Variants in TRMT11 observed in about 807,000 individuals in gnomAD.
TRMT11 encodes the protein tRNA (guanine(10)-N(2))-methyltransferase TRMT11.
Under a neutral mutation model 62.8 loss-of-function variants are expected in TRMT11, and 53 were observed. That is an observed-to-expected ratio of 0.84 (90% CI 0.68 to 1.06). The LOEUF is 1.06. TRMT11 is among the 50% of genes least tolerant of loss of function. TRMT11 has a pLI of 0.00. For synonymous variants in TRMT11, 188 were observed against 190.3 expected (o/e 0.99, Z 0.10); for missense variants, 556 against 553.4 (o/e 1.00, Z -0.05).
rs564801486 is a variant in TRMT11 at position 126,054,523 on chromosome 6, T to C, written c.*1437+1333T>C. On this transcript the variant is annotated intron_variant and NMD_transcript_variant, in intron 17 of 22. Coordinates refer to the TRMT11 transcript ENST00000648977. ...GGCCTCCTGCACCGAGGGAGATGATTTTTATTGATTTCGCTCTTCACACAG... is the reference window on the plus strand; with the variant it reads ...GGCCTCCTGCACCGAGGGAGATGATCTTTATTGATTTCGCTCTTCACACAG... Among the ~76,000 whole-genome samples the C allele has an allele frequency of 4.6e-5, 7 of 152,334 alleles. No homozygotes were observed. In the East Asian group the frequency reaches 9.6e-4, roughly 21 times the overall value.
In TRMT11 at chr6:126,001,802, C is replaced by T. The variant is rs114915945; in HGVS notation, c.679+2189C>T. ...TGATTTTCCAACTCCAGTGCTCCCT[C>T]CACAGTTACAAGTCGACATTCATTA... On this transcript the variant is annotated intron_variant, in intron 7 of 12. Coordinates refer to ENST00000334379, the MANE Select transcript of TRMT11 (RefSeq NM_001031712.3). Among the ~76,000 whole-genome samples, 260 of 152,162 alleles carry T rather than the reference C, an allele frequency of 1.7e-3. 1 individual carries two copies. The highest frequency in any genetic ancestry group is 6.0e-3 in the African/African-American group (249 of 41,516).
the TRMT11 span, among the ~76,000 whole-genome samples, chr6:126,232,239 A>G: frequency 6.6e-6 from 1 of 151,938 alleles, no homozygotes. Flanking sequence ...GTTTTTAAAG[A>G]CTTCTAAGAT....
At chr6:126,123,453 C>T (rs1470137668) in intron 21 of TRMT11, among the ~76,000 whole-genome samples, 1 of 152,082 alleles carries the variant, frequency 6.6e-6, no homozygotes, top group Non-Finnish European at 1.5e-5. Flanking sequence ...GACTTGAACA[C>T]TCCCAGCACA....
chr6:126,171,174 T>C (rs1778326255), intron 21 of TRMT11, among the ~76,000 whole-genome samples: 1 of 152,112 alleles, frequency 6.6e-6, no homozygotes, highest in African/African-American at 2.4e-5. Context: ...AGGCCATAAC[T>C]GGGGAGATAG....
chr6:126,238,590 T>C, the TRMT11 span, among the ~76,000 whole-genome samples: 55 of 152,294 alleles, frequency 3.6e-4, 1 homozygote, highest in African/African-American at 9.1e-4. Context: ...TTGTTATAAT[T>C]TCTGTTCTTT....
At chr6:126,271,909 CAAT>C in the TRMT11 span, among the ~76,000 whole-genome samples, 1 of 152,010 alleles carries the variant, frequency 6.6e-6, no homozygotes, top group African/African-American at 2.4e-5. Context: ...GGTGAAGTGT[CAAT>C]AGATAGCAGA....
intron 17 of TRMT11, among the ~76,000 whole-genome samples, chr6:126,066,401 CA>C (rs1313812257): frequency 3.3e-5 from 5 of 152,198 alleles, no homozygotes; most frequent in African/African-American, 1.2e-4. Context: ...ATCAGGATGC[CA>C]GCATGGCTGA....
intron 1 of TRMT11, among the ~76,000 whole-genome samples, chr6:126,189,596 A>G (rs1418789696): frequency 1.3e-5 from 2 of 152,064 alleles, no homozygotes; most frequent in African/African-American, 2.4e-5. Context: ...TCAGGTTCTG[A>G]GGTTTCAATT....
At chr6:126,085,980 A>C (rs543451901) in intron 17 of TRMT11, among the ~76,000 whole-genome samples, 4,182 of 152,296 alleles carry the variant, frequency 0.027, 90 homozygotes, top group Non-Finnish European at 0.044. Flanking sequence ...TAAAAACAAC[A>C]AAAATGACAC....
intron 9 of TRMT11, among the ~76,000 whole-genome samples, chr6:126,011,979 A>G (rs906846323): frequency 3.3e-5 from 5 of 152,164 alleles, no homozygotes; most frequent in African/African-American, 7.2e-5. Flanking sequence ...CCCATGCCTC[A>G]TGAGGTCGTG....
Position 126,119,207 on chromosome 6 carries a change from G to A in TRMT11, c.*1823+3352G>A, listed in dbSNP as rs188210342. Among the ~76,000 whole-genome samples the A allele has an allele frequency of 2.0e-5, 3 of 152,242 alleles. No homozygotes were observed. The East Asian group carries it at 5.8e-4, about 29-fold the overall frequency. ...GAATGGGTCCATTTGCAAAGTGAAAGCTCCCTAAACAGAGGCTTGTCCTTT... is the reference window on the plus strand; with the variant it reads ...GAATGGGTCCATTTGCAAAGTGAAAACTCCCTAAACAGAGGCTTGTCCTTT... On this transcript the variant is annotated intron_variant and NMD_transcript_variant, in intron 21 of 22. Transcript: ENST00000648977.
intron 21 of TRMT11, among the ~76,000 whole-genome samples, chr6:126,146,679 G>A (rs375489971): frequency 6.6e-5 from 10 of 152,130 alleles, no homozygotes; most frequent in African/African-American, 1.7e-4. Context: ...ACAGTGCCCC[G>A]CTAATTTCTT....
At chr6:125,993,871 C>T in intron 2 of TRMT11, 49 bp downstream of exon 2, 1 of 1,155,606 alleles carries the variant, frequency 8.7e-7, no homozygotes, top group Non-Finnish European at 1.3e-6. Context: ...AGAAATAGAG[C>T]CTTGGGTTTG....
At chr6:126,251,417 A>G in the TRMT11 span, among the ~76,000 whole-genome samples, 1 of 152,190 alleles carries the variant, frequency 6.6e-6, no homozygotes, top group Non-Finnish European at 1.5e-5. Context: ...ACATTGTAGT[A>G]TGACTAAAAG....
chr6:126,042,699 G>A (rs903650031), downstream of TRMT11, among the ~76,000 whole-genome samples: 5 of 152,072 alleles, frequency 3.3e-5, no homozygotes, highest in Non-Finnish European at 7.4e-5. Flanking sequence ...AGGATTTATC[G>A]GAAGAACTCT....
intron 17 of TRMT11, among the ~76,000 whole-genome samples, chr6:126,091,583 G>A (rs963216235): frequency 1.3e-5 from 2 of 152,076 alleles, no homozygotes; most frequent in African/African-American, 2.4e-5. Flanking sequence ...ACTCAGTTAC[G>A]TTAAATTTGT....
chr6:126,261,593 A>G, the TRMT11 span, among the ~76,000 whole-genome samples: 12 of 152,108 alleles, frequency 7.9e-5, no homozygotes, highest in East Asian at 1.4e-3. Flanking sequence ...CTAGGGATAG[A>G]CTTCTTCCTG....
intron 21 of TRMT11, among the ~76,000 whole-genome samples, chr6:126,170,916 T>C (rs1400497517): frequency 6.6e-6 from 1 of 152,158 alleles, no homozygotes; most frequent in Non-Finnish European, 1.5e-5. Flanking sequence ...CAATAAAATG[T>C]CAATGCCTTA....
At chr6:126,201,121 T>C (rs1370089404) in intron 3 of TRMT11, among the ~76,000 whole-genome samples, 2 of 152,230 alleles carry the variant, frequency 1.3e-5, no homozygotes, top group African/African-American at 4.8e-5. Flanking sequence ...ACAAATGATA[T>C]GTTTATTGAT....
Sources: allele counts gnomAD v4.1 joint callset (sites outside exome capture counted in the v4.1 genomes callset), GRCh38; gene constraint gnomAD v4.1.1; transcripts MANE v1.5; gene names NCBI Gene and HGNC (gene_info 2026-07-23, HGNC 2026-07-21).